AJAP1: variants seen among roughly 807,000 people sequenced by gnomAD.
AJAP1 encodes the protein adherens junctions associated protein 1, also known as adherens junction-associated protein 1.
Under a neutral mutation model 35.0 loss-of-function variants are expected in AJAP1, and 5 were observed. That is an observed-to-expected ratio of 0.14 (90% CI 0.07 to 0.30). AJAP1 has a LOEUF of 0.30. AJAP1 is among the 10% of genes least tolerant of loss of function. The pLI is 1.00. For synonymous variants in AJAP1, 284 were observed against 249.3 expected, an observed-to-expected ratio of 1.14 and a Z score of -1.31; for missense variants, 586 against 571.0, an observed-to-expected ratio of 1.03 and a Z score of -0.27.
chr1:4,724,616 C>T (rs1374094556), intron 2 of AJAP1, among the ~76,000 whole-genome samples: 1 of 149,678 alleles, frequency 6.7e-6, no homozygotes, highest in African/African-American at 2.5e-5. Flanking sequence ...TTCCACCGGC[C>T]GTCACCTAGC....
chr1:4,780,024 A>G (rs995453090), intron 5 of AJAP1, among the ~76,000 whole-genome samples: 3 of 151,032 alleles, frequency 2.0e-5, no homozygotes, highest in African/African-American at 7.3e-5. Flanking sequence ...TGCGCCTATA[A>G]TCCCAGCCAC....
intron 2 of AJAP1, among the ~76,000 whole-genome samples, chr1:4,750,618 G>C (rs926636506): frequency 6.6e-6 from 1 of 150,480 alleles, no homozygotes; most frequent in African/African-American, 2.4e-5. Flanking sequence ...AGGCTGGGAT[G>C]AGTGGGTTCC....
rs1026240748 is a variant in AJAP1 at position 4,789,176 on chromosome 1, G to A, written c.*6691G>A. The stretch of plus-strand genomic sequence containing the variant: ...AGATTAAACACTAGTGAGTAGCGGG[G>A]GAAGGGAACAGTGACTGTATAAATG... On this transcript the variant is annotated 3_prime_UTR_variant, in exon 6 of 6. Coordinates refer to ENST00000378191, the MANE Select transcript of AJAP1 (RefSeq NM_018836.4). The surrounding 1 kb of genome is among the most constrained non-coding windows in gnomAD (Gnocchi z 4.4). 1.3e-5 allele frequency: 2 copies of A among 152,190 alleles called. No individual in the cohort carries two copies. The allele number at this position is 152,190 out of a possible 1,614,324, so 9.4% of individuals were successfully genotyped here.
intron 2 of AJAP1, among the ~76,000 whole-genome samples, chr1:4,729,981 C>G (rs747414639): frequency 3.3e-5 from 5 of 152,170 alleles, no homozygotes; most frequent in Non-Finnish European, 4.4e-5. Context: ...TCCCTTCCTT[C>G]TACTCCCCAT....
intron 1 of AJAP1, among the ~76,000 whole-genome samples, chr1:4,680,377 A>T (rs1639455877): frequency 6.6e-6 from 1 of 152,168 alleles, no homozygotes; most frequent in African/African-American, 2.4e-5. Context: ...ACCTCATCTT[A>T]AATACATCTT....
chr1:4,786,019 G>T lies in AJAP1; in HGVS notation c.*3534G>T, dbSNP rs1320885644. On this transcript the variant is annotated 3_prime_UTR_variant, in exon 6 of 6. Coordinates refer to ENST00000378191, the MANE Select transcript of AJAP1 (RefSeq NM_018836.4). ...ATGTCACTTTGTCTGATTGGAATAT[G>T]CGTGTCATTGCTCTTGTTTCCGAGT... is the stretch of plus-strand genomic sequence containing the variant. 6.6e-6 allele frequency: 1 copy of T among 152,200 alleles called. No individual in the cohort carries two copies. The highest frequency in any genetic ancestry group is 1.5e-5 in the Non-Finnish European group (1 of 68,074). The allele number at this position is 152,200 out of a possible 1,614,324, so 9.4% of individuals were successfully genotyped here.
At chr1:4,730,730 G>T (rs2100298200) in intron 2 of AJAP1, among the ~76,000 whole-genome samples, 1 of 152,240 alleles carries the variant, frequency 6.6e-6, no homozygotes, top group East Asian at 1.9e-4. Context: ...AGCCACATCT[G>T]GGCCCTGCCT....
intron 1 of AJAP1, among the ~76,000 whole-genome samples, chr1:4,674,824 G>A (rs1358456913): frequency 1.3e-5 from 2 of 152,254 alleles, no homozygotes; most frequent in East Asian, 3.8e-4. Flanking sequence ...AAAGTTCCAT[G>A]CAAACGAAAG....
chr1:4,744,894 C>T (rs559374512), intron 2 of AJAP1, among the ~76,000 whole-genome samples: 29 of 152,198 alleles, frequency 1.9e-4, no homozygotes, highest in African/African-American at 6.5e-4. Flanking sequence ...CCACCTGGGA[C>T]GCGGGGCTTC....
chr1:4,768,707 TAGG>T (rs1641748879), intron 2 of AJAP1, among the ~76,000 whole-genome samples: 1 of 151,914 alleles, frequency 6.6e-6, no homozygotes, highest in South Asian at 2.1e-4. Flanking sequence ...GGGAGATGAG[TAGG>T]AGGAGGTGCT....
chr1:4,695,715 T>C (rs1245909443), intron 1 of AJAP1, among the ~76,000 whole-genome samples: 1 of 152,180 alleles, frequency 6.6e-6, no homozygotes, highest in Non-Finnish European at 1.5e-5. Context: ...TGGTCTTGGC[T>C]CTGTGTGTCT....
chr1:4,748,595 A>G (rs1641247884), intron 2 of AJAP1, among the ~76,000 whole-genome samples: 2 of 152,020 alleles, frequency 1.3e-5, no homozygotes, highest in East Asian at 3.9e-4. Flanking sequence ...TAAAAATGCA[A>G]AAATTAGCCA....
chr1:4,690,732 G>A (rs1557610597), intron 1 of AJAP1, among the ~76,000 whole-genome samples: 1 of 152,122 alleles, frequency 6.6e-6, no homozygotes, highest in South Asian at 2.1e-4. Flanking sequence ...CAGGCCACAC[G>A]GTCCACAGAG....
chr1:4,681,927 C>T (rs1290857189), intron 1 of AJAP1, among the ~76,000 whole-genome samples: 1 of 152,206 alleles, frequency 6.6e-6, no homozygotes, highest in African/African-American at 2.4e-5. Flanking sequence ...GTTCCAGGTG[C>T]TGCTCTGAGT....
chr1:4,752,169 AGGAGGAGGAG>A (rs1641333972), intron 2 of AJAP1, among the ~76,000 whole-genome samples: 2 of 146,088 alleles, frequency 1.4e-5, no homozygotes, highest in South Asian at 4.6e-4. Context: ...GAGGGAGGAG[AGGAGGAGGAG>A]GGAGGAGAGA....
Position 4,656,584 on chromosome 1 carries a change from C to T in AJAP1, c.29+1130C>T, listed in dbSNP as rs1171921511. 2.0e-5 allele frequency among the ~76,000 whole-genome samples: 3 copies of T among 152,144 alleles called. No homozygotes were observed. The highest frequency in any genetic ancestry group is 4.4e-5 in the Non-Finnish European group (3 of 68,030). Reference sequence around the variant, plus strand: ...GGAGTGAGGCGAAGGGAGGGAGGATCTAGTGCGTGTCCTGATTTTGAGAAA... The same window carrying T: ...GGAGTGAGGCGAAGGGAGGGAGGATTTAGTGCGTGTCCTGATTTTGAGAAA... On this transcript the variant is annotated intron_variant, in intron 1 of 5. Transcript: ENST00000378191. The surrounding 1 kb of genome is among the most constrained non-coding windows in gnomAD (Gnocchi z 5.7).
chr1:4,707,964 TTTTTTTTTTG>T, intron 1 of AJAP1, among the ~76,000 whole-genome samples: 1 of 122,582 alleles, frequency 8.2e-6, no homozygotes, highest in East Asian at 2.6e-4. Flanking sequence ...GGGCGGTACG[TTTTTTTTTTG>T]TTTTTTTTTT....
At chr1:4,763,576 A>G in intron 2 of AJAP1, among the ~76,000 whole-genome samples, 1 of 152,258 alleles carries the variant, frequency 6.6e-6, no homozygotes, top group African/African-American at 2.4e-5. Context: ...GTGTTTCTGG[A>G]AGAGATTGGC....
intron 2 of AJAP1, among the ~76,000 whole-genome samples, chr1:4,741,721 C>G (rs1641072871): frequency 6.6e-6 from 1 of 152,192 alleles, no homozygotes; most frequent in African/African-American, 2.4e-5. Flanking sequence ...TACCCAGCAC[C>G]CAGGCCTCAG....
Sources: gnomAD v4.1 joint callset for allele counts (sites outside exome capture counted in the v4.1 genomes callset) on GRCh38, gnomAD v4.1.1 for gene constraint, Gnocchi (gnomAD v3.1) non-coding constraint, MANE v1.5 for transcripts, NCBI Gene and HGNC (gene_info 2026-07-23, HGNC 2026-07-21) for gene names.